LRBA: variants seen among roughly 807,000 people sequenced by gnomAD.
LRBA encodes LPS responsive beige-like anchor protein, also known as lipopolysaccharide-responsive and beige-like anchor protein.
In LRBA, 176 loss-of-function variants were observed where a neutral mutation model predicts 330.0. The observed-to-expected ratio is 0.53, with a 90% CI of 0.47 to 0.60. LRBA has a LOEUF of 0.60. Among genes scored for constraint, LRBA ranks in the 20% least tolerant of loss-of-function variants. The pLI, the probability that LRBA is intolerant of heterozygous loss-of-function variation, is 0.00. For missense variants in LRBA, 3,259 were observed against 3,444.8 expected (o/e 0.95, Z 1.35); for synonymous variants, 1,230 against 1,193.0 (o/e 1.03, Z -0.64).
chr4:150,776,913 C>T (rs1349869265), intron 34 of LRBA, among the ~76,000 whole-genome samples: 3 of 151,944 alleles, frequency 2.0e-5, no homozygotes, highest in African/African-American at 7.3e-5. Context: ...AACTGGACAA[C>T]AGGTATTTAT....
At chr4:150,494,542 C>T (rs1759340988) in intron 40 of LRBA, among the ~76,000 whole-genome samples, 1 of 152,172 alleles carries the variant, frequency 6.6e-6, no homozygotes, top group African/African-American at 2.4e-5. Context: ...TATACTACAG[C>T]ATTGTTACAA....
At chr4:150,927,639 T>C (rs992089041) in intron 4 of LRBA, among the ~76,000 whole-genome samples, 7 of 152,038 alleles carry the variant, frequency 4.6e-5, no homozygotes, top group African/African-American at 1.7e-4. Flanking sequence ...GAAGAAACAA[T>C]GACTAAAATG....
intron 47 of LRBA, among the ~76,000 whole-genome samples, chr4:150,408,052 C>T (rs1057157672): frequency 4.6e-5 from 7 of 151,494 alleles, no homozygotes; most frequent in Admixed American, 6.6e-5. Context: ...AATATTAGAG[C>T]GAAAACTCAA....
intron 37 of LRBA, among the ~76,000 whole-genome samples, chr4:150,639,811 GTGTGTGTGTATATATATATATATA>G (rs1561457865): frequency 0.069 from 947 of 13,818 alleles, 189 homozygotes; most frequent in East Asian, 0.12. Flanking sequence ...ATATATGTGT[GTGTGTGTGTATATATATATATATA>G]TATATATATA....
chr4:150,404,696 A>G (rs1190160347), intron 47 of LRBA, among the ~76,000 whole-genome samples: 2 of 152,222 alleles, frequency 1.3e-5, no homozygotes, highest in Non-Finnish European at 2.9e-5. Flanking sequence ...TATATAGATG[A>G]GATACCCACG....
rs1215999074 is a variant in LRBA, at chr4:150,639,813, GTGTGTGTATATATATATA to G, written c.5922-40700_5922-40683del. ...TGTGTATATATATATATATGTGTGT[GTGTGTGTATATATATATA>G]TATATATATATATATATATATATAT... On this transcript the variant is annotated intron_variant, in intron 37 of 56. Coordinates refer to ENST00000651943, the MANE Select transcript of LRBA (RefSeq NM_001364905.1). 3.3e-3 allele frequency among the ~76,000 whole-genome samples: 24 copies of G among 7,264 alleles called. 3 individuals carry two copies. The highest frequency in any genetic ancestry group is 8.1e-3 in the East Asian group (2 of 248). The allele number at this position is 7,264 out of a possible 152,430, so 4.8% of individuals were successfully genotyped here. A position where few individuals can be genotyped will look rare whatever the true frequency, so the allele number is the denominator to read the frequency against.
At chr4:150,612,409 G>A (rs193084454) in intron 37 of LRBA, among the ~76,000 whole-genome samples, 9 of 152,146 alleles carry the variant, frequency 5.9e-5, no homozygotes, top group East Asian at 3.9e-4. Context: ...AAATTAAAGC[G>A]TTAGCAAAAG....
intron 26 of LRBA, among the ~76,000 whole-genome samples, chr4:150,848,109 G>A (rs549936770): frequency 2.0e-5 from 3 of 152,012 alleles, no homozygotes; most frequent in Non-Finnish European, 1.5e-5. Flanking sequence ...CCAACTTCCA[G>A]GTTCAAGCGA....
chr4:150,805,098 A>C (rs1742368134), intron 33 of LRBA, among the ~76,000 whole-genome samples: 2 of 151,832 alleles, frequency 1.3e-5, no homozygotes, highest in African/African-American at 4.8e-5. Context: ...CGGTAAATCT[A>C]CTTTCACTTG....
chr4:150,703,748 T>C (rs896926358), intron 36 of LRBA, among the ~76,000 whole-genome samples: 7 of 151,154 alleles, frequency 4.6e-5, no homozygotes, highest in Admixed American at 1.3e-4. Context: ...GACCCTTACA[T>C]AAGAAAATCT....
intron 37 of LRBA, among the ~76,000 whole-genome samples, chr4:150,643,368 C>A (rs1401847705): frequency 2.0e-5 from 3 of 151,746 alleles, no homozygotes; most frequent in African/African-American, 7.3e-5. Flanking sequence ...AATAACTTTA[C>A]CATGTTAATG....
At chr4:150,814,751 T>C (rs938772550) in intron 31 of LRBA, among the ~76,000 whole-genome samples, 2 of 152,006 alleles carry the variant, frequency 1.3e-5, no homozygotes, top group African/African-American at 2.4e-5. Flanking sequence ...ATTTAAACAA[T>C]AGAAAAATAA....
chr4:150,319,847 C>G (rs1561007926), intron 50 of LRBA, among the ~76,000 whole-genome samples: 1 of 152,136 alleles, frequency 6.6e-6, no homozygotes, highest in Non-Finnish European at 1.5e-5. Flanking sequence ...CTTGTGAAAG[C>G]TGTTGCATTT....
chr4:150,776,992 T>C (rs937713812), intron 34 of LRBA, among the ~76,000 whole-genome samples: 4 of 152,124 alleles, frequency 2.6e-5, no homozygotes, highest in African/African-American at 9.7e-5. Flanking sequence ...TGAAAAAAAC[T>C]ATGAAAATAC....
intron 2 of LRBA, among the ~76,000 whole-genome samples, chr4:150,947,476 T>C (rs1736365922): frequency 6.6e-6 from 1 of 151,932 alleles, no homozygotes; most frequent in Non-Finnish European, 1.5e-5. Flanking sequence ...TTGACAAAAA[T>C]TCAATAACAC....
intron 47 of LRBA, among the ~76,000 whole-genome samples, chr4:150,361,636 TCTC>T (rs1395144868): frequency 1.3e-5 from 2 of 152,214 alleles, no homozygotes; most frequent in African/African-American, 2.4e-5. Context: ...CAGCATTTAT[TCTC>T]CTCAAGATTC....
intron 37 of LRBA, among the ~76,000 whole-genome samples, chr4:150,627,267 C>T (rs866006940): frequency 2.5e-4 from 38 of 151,776 alleles, no homozygotes; most frequent in South Asian, 6.2e-4. Flanking sequence ...TTCTAAGGTA[C>T]TCCTGACTGT....
intron 47 of LRBA, among the ~76,000 whole-genome samples, chr4:150,371,602 C>A (rs1740335868): frequency 6.6e-6 from 1 of 151,974 alleles, no homozygotes; most frequent in African/African-American, 2.4e-5. Context: ...TGGAGGAACT[C>A]CAGTCTAATG....
intron 36 of LRBA, among the ~76,000 whole-genome samples, chr4:150,721,734 C>A (rs536735637): frequency 6.6e-6 from 1 of 152,252 alleles, no homozygotes; most frequent in South Asian, 2.1e-4. Flanking sequence ...CATTACTCAG[C>A]CTCCCGAGTA....
Sources: gnomAD v4.1 joint callset for allele counts (sites outside exome capture counted in the v4.1 genomes callset) on GRCh38, gnomAD v4.1.1 for gene constraint, MANE v1.5 for transcripts, NCBI Gene and HGNC (gene_info 2026-07-23, HGNC 2026-07-21) for gene names.